Variants in PRKG2 observed in about 807,000 individuals in gnomAD.
PRKG2 encodes protein kinase cGMP-dependent 2, also known as cGMP-dependent protein kinase 2.
PRKG2 carries 33 observed loss-of-function variants against 97.2 expected under a neutral mutation model. That is an observed-to-expected ratio of 0.34 (90% CI 0.26 to 0.45). PRKG2 has a LOEUF of 0.45. PRKG2 is among the 20% of genes least tolerant of loss of function. The probability of loss-of-function intolerance (pLI) is 1.00; values close to 1 mark genes in which losing one functional copy is unlikely to be tolerated. For synonymous variants in PRKG2, 330 were observed against 321.8 expected (o/e 1.03, Z -0.27); for missense variants, 638 against 900.0 (o/e 0.71, Z 3.73).
In PRKG2 at chr4:81,153,626, G is replaced by A. The variant is rs911748426; in HGVS notation, c.990+18C>T. ...TAAAATAATCTTTTTTATTTAGTAA[G>A]TTTTAATTAATAGTTACCTTTCCTT... is the stretch of plus-strand genomic sequence containing the variant. On this transcript the variant is annotated intron_variant, in intron 7 of 18. Coordinates refer to ENST00000264399, the MANE Select transcript of PRKG2 (RefSeq NM_006259.3). The A allele has an allele frequency of 1.3e-6, 2 of 1,541,898 alleles. No individual in the cohort carries two copies. Among genetic ancestry groups the A allele is most frequent in the African/African-American group, 1.4e-5 (1 of 73,092 alleles).
chr4:81,122,656 A>G lies in PRKG2; in HGVS notation c.1777-12045T>C, dbSNP rs149592412. 6.0e-3 allele frequency among the ~76,000 whole-genome samples: 911 copies of G among 152,282 alleles called. 4 individuals carry two copies. Among genetic ancestry groups the G allele is most frequent in the Non-Finnish European group, 0.011 (731 of 68,034 alleles). ...CCTGGTTTTCCTCTGCTGAAAAAACAAACAGACCAGCAAACTTTCCCTTAC... is the reference window on the plus strand; with the variant it reads ...CCTGGTTTTCCTCTGCTGAAAAAACGAACAGACCAGCAAACTTTCCCTTAC... On this transcript the variant is annotated intron_variant, in intron 14 of 18. Coordinates refer to ENST00000264399, the MANE Select transcript of PRKG2 (RefSeq NM_006259.3).
chr4:81,125,604 A>G, intron 14 of PRKG2, among the ~76,000 whole-genome samples: 1 of 152,192 alleles, frequency 6.6e-6, no homozygotes, highest in East Asian at 1.9e-4. Flanking sequence ...TGAAGACATG[A>G]TTTCAGTTTA....
At chr4:81,108,521 A>AG (rs1373247422) in intron 15 of PRKG2, among the ~76,000 whole-genome samples, 1 of 147,348 alleles carries the variant, frequency 6.8e-6, no homozygotes, top group Non-Finnish European at 1.5e-5. Context: ...TATGCTCTGG[A>AG]GTTCAGGGCA....
chr4:81,140,373 T>C (rs998737681), intron 12 of PRKG2, among the ~76,000 whole-genome samples, 160 bp downstream of exon 12: 2 of 152,234 alleles, frequency 1.3e-5, no homozygotes, highest in Non-Finnish European at 2.9e-5. Flanking sequence ...GCTGTAATTA[T>C]GCATTGCATG....
At chr4:81,140,829 T>C (rs915506153) in intron 11 of PRKG2, among the ~76,000 whole-genome samples, 160 bp from the exon 12 acceptor site, 1 of 152,140 alleles carries the variant, frequency 6.6e-6, no homozygotes, top group Non-Finnish European at 1.5e-5. Flanking sequence ...TTCCCTTTCA[T>C]CACTATTTCT....
intron 2 of PRKG2, among the ~76,000 whole-genome samples, chr4:81,176,540 A>T (rs1367411670): frequency 1.3e-5 from 2 of 152,336 alleles, no homozygotes; most frequent in East Asian, 3.9e-4. Context: ...AATATCAAGA[A>T]GCTCCAGCTT....
intron 15 of PRKG2, among the ~76,000 whole-genome samples, chr4:81,110,135 T>C (rs917639976): frequency 1.3e-5 from 2 of 152,182 alleles, no homozygotes; most frequent in Non-Finnish European, 2.9e-5. Flanking sequence ...AGAACTTTCA[T>C]TCCTTCTCTT....
intron 6 of PRKG2, among the ~76,000 whole-genome samples, chr4:81,163,696 A>C (rs903555500): frequency 3.9e-5 from 6 of 152,140 alleles, no homozygotes; most frequent in African/African-American, 1.4e-4. Context: ...ACCAGAAGGA[A>C]ATTCCAAAGT....
At position 81,205,058 on chromosome 4, in the gene PRKG2, G is replaced by A; in HGVS notation, c.-11C>T. 3.2e-6 allele frequency: 5 copies of A among 1,579,008 alleles called. No individual in the cohort carries two copies. The highest frequency in any genetic ancestry group is 4.3e-6 in the Non-Finnish European group (5 of 1,160,994). On this transcript the variant is annotated splice_region_variant and 5_prime_UTR_variant, in exon 2 of 19. Transcript: ENST00000264399. ...TGAACCATTTCCCATTTTGCTCAGG[G>A]ACCTGAGAAGGCACAGAATTGGGAA... is the stretch of plus-strand genomic sequence containing the variant.
At chr4:81,196,904 T>G (rs1367843056) in intron 2 of PRKG2, among the ~76,000 whole-genome samples, 1 of 152,152 alleles carries the variant, frequency 6.6e-6, no homozygotes, top group Non-Finnish European at 1.5e-5. Context: ...ACACTTTTAG[T>G]TAAAGGATAG....
At chr4:81,191,143 T>C (rs1000031248) in intron 2 of PRKG2, among the ~76,000 whole-genome samples, 9 of 152,196 alleles carry the variant, frequency 5.9e-5, no homozygotes, top group Admixed American at 6.5e-5. Context: ...CGTATGTTTA[T>C]TGCAGCACTG....
rs750832026 is a variant in PRKG2, at chr4:81,092,464, G to GA, written c.2127-13dup. 3.4e-6 allele frequency: 5 copies of GA among 1,491,000 alleles called. No individual in the cohort carries two copies. The highest frequency in any genetic ancestry group is 4.6e-6 in the Non-Finnish European group (5 of 1,096,274). 92.4% of individuals were successfully genotyped at this position (1,491,000 alleles called of 1,614,324 possible). On this transcript the variant is annotated splice_polypyrimidine_tract_variant and intron_variant, in intron 17 of 18. Transcript: ENST00000264399. ...AACCATTTAACCACCTGAGAAATGA[G>GA]AAAGGAAGGAAGGAAGGAAGGAAGG... is the stretch of plus-strand genomic sequence containing the variant.
intron 2 of PRKG2, among the ~76,000 whole-genome samples, chr4:81,201,080 A>G (rs1753281053): frequency 6.6e-6 from 1 of 152,200 alleles, no homozygotes; most frequent in Non-Finnish European, 1.5e-5. Context: ...TTTGTCTACA[A>G]AGGGTTCCCA....
chr4:81,149,714 C>T (rs570525471), intron 8 of PRKG2, among the ~76,000 whole-genome samples: 1 of 152,214 alleles, frequency 6.6e-6, no homozygotes, highest in East Asian at 1.9e-4. Flanking sequence ...AACTAAAAGA[C>T]ACACACACAA....
At chr4:81,127,557 G>C (rs1745726604) in intron 14 of PRKG2, among the ~76,000 whole-genome samples, 2 of 152,142 alleles carry the variant, frequency 1.3e-5, no homozygotes, top group South Asian at 4.1e-4. Context: ...CACATCCCTT[G>C]TAAGTTGTAT....
At chr4:81,132,925 C>T (rs894999863) in intron 14 of PRKG2, among the ~76,000 whole-genome samples, 2 of 151,688 alleles carry the variant, frequency 1.3e-5, no homozygotes, top group African/African-American at 2.4e-5. Flanking sequence ...TATGTGTCTG[C>T]TTCTGCTCTT....
intron 14 of PRKG2, among the ~76,000 whole-genome samples, chr4:81,123,992 T>C (rs780274870): frequency 2.0e-5 from 3 of 152,214 alleles, no homozygotes; most frequent in Non-Finnish European, 4.4e-5. Flanking sequence ...TAATTATTAC[T>C]TTATGCCATA....
At chr4:81,113,370 C>CT (rs5859760) in intron 14 of PRKG2, among the ~76,000 whole-genome samples, 18,933 of 151,138 alleles carry the variant, frequency 0.13, 2,239 homozygotes, top group East Asian at 0.39. Context: ...AGCACCCCCC[C>CT]TTTTTTTTCA....
chr4:81,171,712 T>C lies in PRKG2; in HGVS notation c.721A>G (p.Thr241Ala), dbSNP rs767113787. Residue 241 changes from threonine (T) to alanine (A), a missense_variant, in exon 4 of 19, where the codon ACA becomes GCA. Thr to Ala is a moderately conservative substitution (Grantham distance 58). This residue lies in a region of PRKG2 where 332 missense variants were observed against 421.7 expected (regional missense o/e 0.79). Coordinates refer to ENST00000264399, the MANE Select transcript of PRKG2 (RefSeq NM_006259.3). ...TTACCTTTCACAGAGGCAGTCCTTG[T>C]ACAATTGTATAAAATGGCAAGCTCC... Reference protein sequence around the residue: ...FGELAILYNCTRTASVKAITN... With the variant: ...FGELAILYNCARTASVKAITN... The C allele has an allele frequency of 1.2e-6, 2 of 1,607,468 alleles. No homozygotes were observed. Among genetic ancestry groups the C allele is most frequent in the Middle Eastern group, 1.7e-4 (1 of 6,020 alleles).
Sources: allele counts gnomAD v4.1 joint callset (sites outside exome capture counted in the v4.1 genomes callset), GRCh38; gene constraint gnomAD v4.1.1; regional missense constraint gnomAD v4.1.1; transcripts MANE v1.5; gene names NCBI Gene and HGNC (gene_info 2026-07-23, HGNC 2026-07-21).